Variants in TDRD5 observed in about 807,000 individuals in gnomAD.
TDRD5 encodes tudor domain containing 5, also known as tudor domain-containing protein 5.
In TDRD5, 41 loss-of-function variants were observed where a neutral mutation model predicts 120.6. The observed-to-expected ratio is 0.34, with a 90% CI of 0.26 to 0.44. The LOEUF is 0.44. Ranked by LOEUF, TDRD5 falls within the 20% of genes least tolerant of loss-of-function variation. The pLI, the probability that TDRD5 is intolerant of heterozygous loss-of-function variation, is 1.00. For synonymous variants in TDRD5, 430 were observed against 433.7 expected (o/e 0.99, Z 0.11); for missense variants, 1,006 against 1,221.2 (o/e 0.82, Z 2.63).
At chr1:179,621,337 T>C (rs780613214) in intron 6 of TDRD5, among the ~76,000 whole-genome samples, 1 of 152,164 alleles carries the variant, frequency 6.6e-6, no homozygotes, top group Non-Finnish European at 1.5e-5. Flanking sequence ...ATCCCATTAA[T>C]GTTTGACAGT....
At chr1:179,669,804 C>T (rs1679761621) in intron 17 of TDRD5, among the ~76,000 whole-genome samples, 1 of 152,216 alleles carries the variant, frequency 6.6e-6, no homozygotes, top group Non-Finnish European at 1.5e-5. Context: ...TGGCATGTCA[C>T]TTTCCCTTTT....
rs1283183950 is a variant in TDRD5, at chr1:179,690,807, C to G, written c.2972C>G (p.Ser991Cys). 5.0e-6 allele frequency: 8 copies of G among 1,614,092 alleles called. No homozygotes were observed. Among genetic ancestry groups the G allele is most frequent in the Non-Finnish European group, 6.8e-6 (8 of 1,180,036 alleles). ...ESVDQLSLIL[S>C]YECQISQKLY... ...GTAGACCAGCTGTCTTTGATTTTGT[C>G]TTATGAGTGCCAGATTTCTCAGAAG... Residue 991 changes from serine to cysteine, a missense_variant, in exon 18 of 18, where the codon TCT becomes TGT. Coordinates refer to ENST00000444136, the MANE Select transcript of TDRD5 (RefSeq NM_001199085.3).
intron 14 of TDRD5, among the ~76,000 whole-genome samples, chr1:179,659,720 G>A (rs139805835): frequency 0.038 from 5,775 of 151,528 alleles, 174 homozygotes; most frequent in East Asian, 0.1. Flanking sequence ...TTTTTGAGAC[G>A]GAGTTTTGCT....
intron 6 of TDRD5, among the ~76,000 whole-genome samples, chr1:179,624,229 C>A (rs188356397): frequency 1.6e-3 from 251 of 152,190 alleles, no homozygotes; most frequent in African/African-American, 5.8e-3. Context: ...AAATTTAATA[C>A]CCATCCACAA....
intron 4 of TDRD5, among the ~76,000 whole-genome samples, chr1:179,599,136 A>T (rs2101913979): frequency 6.6e-6 from 1 of 152,080 alleles, no homozygotes; most frequent in East Asian, 1.9e-4. Context: ...TTTGTTTTTT[A>T]AAAATTTCTT....
At chr1:179,622,973 A>G (rs1202743560) in intron 6 of TDRD5, among the ~76,000 whole-genome samples, 1 of 152,190 alleles carries the variant, frequency 6.6e-6, no homozygotes, top group Non-Finnish European at 1.5e-5. Context: ...ACCAAATATA[A>G]GTAGAAAATT....
Position 179,635,695 on chromosome 1 carries a change from A to T in TDRD5, c.1328A>T (p.Asn443Ile), listed in dbSNP as rs770957450. 3.1e-6 allele frequency: 5 copies of T among 1,613,962 alleles called. No individual in the cohort carries two copies. The highest frequency in any genetic ancestry group is 3.4e-6 in the Non-Finnish European group (4 of 1,180,004). Residue 443 changes from asparagine to isoleucine, a missense_variant, in exon 9 of 18, where the codon AAC (asparagine) becomes ATC (isoleucine). Transcript: ENST00000444136. ...LQVETNKSELNLAMANHDIPP... is the reference protein window; with the variant it reads ...LQVETNKSELILAMANHDIPP... The stretch of plus-strand genomic sequence containing the variant: ...GTAGAAACAAACAAATCAGAGCTCA[A>T]CTTGGCAATGGCAAATCATGACATC...
chr1:179,648,459 G>C (rs539261569), intron 11 of TDRD5, among the ~76,000 whole-genome samples: 1 of 84,326 alleles, frequency 1.2e-5, no homozygotes, highest in Non-Finnish European at 2.5e-5. Flanking sequence ...GGGTGGGGGG[G>C]GGGAGGGATA....
chr1:179,669,745 A>G (rs1252027577), intron 17 of TDRD5, among the ~76,000 whole-genome samples: 1 of 152,192 alleles, frequency 6.6e-6, no homozygotes, highest in African/African-American at 2.4e-5. Context: ...ATCAGCCTGA[A>G]AAGTTTCCTT....
chr1:179,606,321 TG>T (rs1675980628), intron 4 of TDRD5, among the ~76,000 whole-genome samples: 3 of 151,462 alleles, frequency 2.0e-5, no homozygotes, highest in African/African-American at 7.2e-5. Flanking sequence ...AAGAGTTCTT[TG>T]TTTTGTTTTG....
chr1:179,641,456 G>A (rs2102029705), intron 11 of TDRD5, among the ~76,000 whole-genome samples: 1 of 152,052 alleles, frequency 6.6e-6, no homozygotes, highest in East Asian at 1.9e-4. Context: ...CTTGAACCCG[G>A]GAGGCGGAGG....
chr1:179,592,351 G>A lies in TDRD5; in HGVS notation c.-15+226G>A, dbSNP rs1359344138. ...TTGCGTTGGAGTCCAACACCCGACA[G>A]GAACCCCAGTTAACGCCTCCGCATG... On this transcript the variant is annotated intron_variant, in intron 1 of 17. Coordinates refer to ENST00000444136, the MANE Select transcript of TDRD5 (RefSeq NM_001199085.3). 3 of 417,476 alleles carry A rather than the reference G, an allele frequency of 7.2e-6. No individual in the cohort carries two copies. In the East Asian group the frequency reaches 1.5e-4, roughly 21 times the overall value. The allele number at this position is 417,476 out of a possible 1,614,324, so 25.9% of individuals were successfully genotyped here. A position where few individuals can be genotyped will look rare whatever the true frequency, so the allele number is the denominator to read the frequency against.
intron 4 of TDRD5, among the ~76,000 whole-genome samples, chr1:179,613,103 TG>T (rs1416432046): frequency 6.6e-6 from 1 of 152,214 alleles, no homozygotes; most frequent in Non-Finnish European, 1.5e-5. Context: ...GGTCTTAGTT[TG>T]CACCTAACTT....
chr1:179,603,005 A>G (rs888108674), intron 4 of TDRD5, among the ~76,000 whole-genome samples: 8 of 152,200 alleles, frequency 5.3e-5, no homozygotes, highest in African/African-American at 1.9e-4. Flanking sequence ...CTATCCATCC[A>G]TGAGCATGGG....
chr1:179,677,134 T>A (rs1680181293), intron 17 of TDRD5, among the ~76,000 whole-genome samples: 1 of 152,092 alleles, frequency 6.6e-6, no homozygotes, highest in African/African-American at 2.4e-5. Flanking sequence ...GCTTGTTCGA[T>A]TCTATTGCTG....
intron 11 of TDRD5, among the ~76,000 whole-genome samples, chr1:179,647,822 T>TC (rs1678470936): frequency 6.9e-6 from 1 of 145,158 alleles, no homozygotes; most frequent in Non-Finnish European, 1.5e-5. Flanking sequence ...AAGACATTTA[T>TC]GCAGCCAAAA....
At chr1:179,678,876 T>C (rs1005795943) in intron 17 of TDRD5, among the ~76,000 whole-genome samples, 1 of 152,334 alleles carries the variant, frequency 6.6e-6, no homozygotes, top group East Asian at 1.9e-4. Context: ...CTTTTCCTTG[T>C]ACTGGTTAGG....
chr1:179,659,260 T>C (rs1395982671), intron 14 of TDRD5, among the ~76,000 whole-genome samples: 1 of 152,228 alleles, frequency 6.6e-6, no homozygotes, highest in Non-Finnish European at 1.5e-5. Context: ...AATTGATTAG[T>C]GGTATTGTTC....
intron 6 of TDRD5, among the ~76,000 whole-genome samples, chr1:179,623,625 C>CTTTTTTTTT (rs11428251): frequency 5.1e-5 from 5 of 97,904 alleles, no homozygotes; most frequent in Non-Finnish European, 5.7e-5. Context: ...CCAACTCATT[C>CTTTTTTTTT]TTTTTTTTTT....
Sources: gnomAD v4.1 joint callset for allele counts (sites outside exome capture counted in the v4.1 genomes callset) on GRCh38, gnomAD v4.1.1 for gene constraint, MANE v1.5 for transcripts, NCBI Gene and HGNC (gene_info 2026-07-23, HGNC 2026-07-21) for gene names.